ALOX5AP: variants seen among roughly 807,000 people sequenced by gnomAD.
ALOX5AP encodes the protein arachidonate 5-lipoxygenase-activating protein.
A neutral mutation model predicts 18.5 loss-of-function variants in ALOX5AP; 9 were observed. The ratio of observed to expected loss-of-function variants is 0.49; its 90% CI spans 0.29 to 0.85. The LOEUF (loss-of-function observed/expected upper bound fraction) is 0.85, where lower values mean the gene tolerates loss of function less well. Among genes scored for constraint, ALOX5AP ranks in the 40% least tolerant of loss-of-function variants. ALOX5AP has a pLI of 0.08. For missense variants in ALOX5AP, 172 were observed against 202.5 expected, an observed-to-expected ratio of 0.85 and a Z score of 0.91; for synonymous variants, 81 against 78.6, an observed-to-expected ratio of 1.03 and a Z score of -0.16.
chr13:30,725,030 T>A (rs1007851589), intron 1 of ALOX5AP, among the ~76,000 whole-genome samples: 1 of 152,184 alleles, frequency 6.6e-6, no homozygotes, highest in Non-Finnish European at 1.5e-5. Context: ...GCTGAGGCAC[T>A]ACATCTCCAC....
chr13:30,730,226 G>T (rs1951670523), intron 1 of ALOX5AP, among the ~76,000 whole-genome samples: 1 of 152,292 alleles, frequency 6.6e-6, no homozygotes, highest in Middle Eastern at 3.4e-3. Flanking sequence ...GCTATAGAAT[G>T]GCATGAGGAT....
chr13:30,759,076 C>T (rs1347649940), intron 4 of ALOX5AP, among the ~76,000 whole-genome samples: 1 of 152,198 alleles, frequency 6.6e-6, no homozygotes, highest in Non-Finnish European at 1.5e-5. Flanking sequence ...TCCCCGGCCT[C>T]CCAAAGTACT....
intron 2 of ALOX5AP, among the ~76,000 whole-genome samples, chr13:30,749,322 C>T (rs570523544): frequency 1.3e-5 from 2 of 152,110 alleles, no homozygotes; most frequent in South Asian, 2.1e-4. Context: ...ACCAAAGACC[C>T]GAAACATGAG....
chr13:30,764,200 T>C lies in ALOX5AP; in HGVS notation c.*94T>C, dbSNP rs796421433. 4.6e-5 allele frequency: 63 copies of C among 1,378,332 alleles called. 1 individual carries two copies. In the South Asian group the frequency reaches 8.6e-4, roughly 19 times the overall value. The allele number at this position is 1,378,332 out of a possible 1,614,324, so 85.4% of individuals were successfully genotyped here. A position where few individuals can be genotyped will look rare whatever the true frequency, so the allele number is the denominator to read the frequency against. ...TGAGAGCATTCTGCTCTTCTTTAGA[T>C]GGCTGTAAATCTATTGGCCATCTGG... On this transcript the variant is annotated 3_prime_UTR_variant, in exon 5 of 5. Transcript: ENST00000380490.
upstream of ALOX5AP, among the ~76,000 whole-genome samples, chr13:30,733,241 G>A (rs1008782575): frequency 1.3e-5 from 2 of 151,548 alleles, no homozygotes; most frequent in Admixed American, 1.3e-4. Context: ...CCACATCTCT[G>A]TTCTTTTCAA....
chr13:30,741,703 G>A (rs915987744), intron 1 of ALOX5AP, among the ~76,000 whole-genome samples: 6 of 151,952 alleles, frequency 3.9e-5, no homozygotes, highest in Non-Finnish European at 5.9e-5. Context: ...GCCACTGTGT[G>A]TGGCCTAGAT....
At chr13:30,760,281 C>T (rs1056019740) in intron 4 of ALOX5AP, among the ~76,000 whole-genome samples, 6 of 149,520 alleles carry the variant, frequency 4.0e-5, no homozygotes, top group Non-Finnish European at 5.9e-5. Context: ...GGGTGACTGG[C>T]GGGGGGCCAC....
intron 1 of ALOX5AP, among the ~76,000 whole-genome samples, chr13:30,715,001 T>C (rs1413683388): frequency 6.6e-6 from 1 of 152,112 alleles, no homozygotes; most frequent in Non-Finnish European, 1.5e-5. Flanking sequence ...TCCTGATAGG[T>C]CCTGAGGCAC....
intron 3 of ALOX5AP, among the ~76,000 whole-genome samples, 168 bp downstream of exon 3, chr13:30,752,290 C>T (rs959196546): frequency 3.3e-5 from 5 of 152,166 alleles, no homozygotes; most frequent in Admixed American, 2.6e-4. Context: ...ATGCTCTGCA[C>T]CCGTGCAGAG....
chr13:30,755,244 CCTT>C (rs1951883785), intron 3 of ALOX5AP, among the ~76,000 whole-genome samples: 1 of 152,178 alleles, frequency 6.6e-6, no homozygotes, highest in African/African-American at 2.4e-5. Context: ...GAGGGAATGT[CCTT>C]CTCTTCTAAA....
chr13:30,718,259 A>T (rs1951565329), intron 1 of ALOX5AP, among the ~76,000 whole-genome samples: 2 of 152,078 alleles, frequency 1.3e-5, no homozygotes, highest in South Asian at 4.2e-4. Flanking sequence ...GCATCTGGCC[A>T]AAAGATTCTG....
rs1951857907 is a variant in ALOX5AP, at chr13:30,752,149, C to T, written c.241+27C>T. On this transcript the variant is annotated intron_variant, in intron 3 of 4. Transcript: ENST00000380490. The stretch of plus-strand genomic sequence containing the variant: ...TAACTCAGACTTCCCTTTGTTCATT[C>T]TCCTTCTATAAAGTGCATCTCAAGG... The T allele has an allele frequency of 2.5e-6, 4 of 1,608,342 alleles. No homozygotes were observed. The Admixed American group carries it at 6.7e-5, about 27-fold the overall frequency.
At chr13:30,735,754 A>G in intron 1 of ALOX5AP, 79 bp downstream of exon 1, 6 of 1,537,934 alleles carry the variant, frequency 3.9e-6, no homozygotes, top group Non-Finnish European at 5.4e-6. Flanking sequence ...GGCTTAAACA[A>G]TTGTGTCTGT....
chr13:30,717,265 A>T (rs776816434), intron 1 of ALOX5AP, among the ~76,000 whole-genome samples: 22 of 152,216 alleles, frequency 1.4e-4, no homozygotes, highest in Non-Finnish European at 2.2e-4. Context: ...TGTTTTTGAA[A>T]AAACTCCCAA....
intron 4 of ALOX5AP, among the ~76,000 whole-genome samples, chr13:30,760,800 G>A (rs1301384727): frequency 6.6e-6 from 1 of 152,074 alleles, no homozygotes; most frequent in Non-Finnish European, 1.5e-5. Context: ...TACAATACCT[G>A]GCCCCGAAAG....
intron 1 of ALOX5AP, among the ~76,000 whole-genome samples, chr13:30,718,104 C>T (rs937148569): frequency 2.0e-5 from 3 of 151,752 alleles, no homozygotes; most frequent in African/African-American, 4.8e-5. Flanking sequence ...GGATTACAGG[C>T]GTGTGCCACC....
intron 4 of ALOX5AP, 80 bp downstream of exon 4, chr13:30,756,105 T>C: frequency 7.1e-7 from 1 of 1,398,728 alleles, no homozygotes; most frequent in Admixed American, 1.7e-5. Flanking sequence ...AAAACAGTAT[T>C]TGACTAGATT....
chr13:30,726,303 G>T (rs1951639144), intron 1 of ALOX5AP, among the ~76,000 whole-genome samples: 1 of 152,186 alleles, frequency 6.6e-6, no homozygotes, highest in Non-Finnish European at 1.5e-5. Flanking sequence ...CACAATGAGG[G>T]TGAGGAGTAT....
chr13:30,722,924 T>C (rs890637093), intron 1 of ALOX5AP, among the ~76,000 whole-genome samples: 2 of 152,220 alleles, frequency 1.3e-5, no homozygotes, highest in Admixed American at 6.5e-5. Flanking sequence ...GTGGAAGATT[T>C]CTGAGGCCTC....
Sources: allele counts gnomAD v4.1 joint callset (sites outside exome capture counted in the v4.1 genomes callset), GRCh38; gene constraint gnomAD v4.1.1; transcripts MANE v1.5; gene names NCBI Gene and HGNC (gene_info 2026-07-23, HGNC 2026-07-21).